The following IL1R1 variants were observed in gnomAD, a reference collection of about 807,000 sequenced individuals.
IL1R1 encodes the protein interleukin 1 receptor type 1.
A neutral mutation model predicts 50.2 loss-of-function variants in IL1R1; 22 were observed. That is an observed-to-expected ratio of 0.44 (90% CI 0.31 to 0.63). The LOEUF is 0.63. IL1R1 is among the 20% of genes least tolerant of loss of function. The pLI is 0.07. For missense variants in IL1R1, 509 were observed against 676.2 expected (o/e 0.75, Z 2.74); for synonymous variants, 251 against 236.7 (o/e 1.06, Z -0.55).
chr2:102,175,690 T>G lies in IL1R1; in HGVS notation c.1303+45T>G, dbSNP rs777562340. The G allele has an allele frequency of 4.5e-6, 7 of 1,568,986 alleles. No individual in the cohort carries two copies. The South Asian group carries it at 7.8e-5, about 17-fold the overall frequency. ...GAGTAAAGGCTTATTGTTGTAAAAC[T>G]ACTTAGTAAAATGTGGATTCCATCT... is the stretch of plus-strand genomic sequence containing the variant. On this transcript the variant is annotated intron_variant, in intron 11 of 11. Coordinates refer to ENST00000410023, the MANE Select transcript of IL1R1 (RefSeq NM_000877.4).
intron 7 of IL1R1, 52 bp from the exon 8 acceptor site, chr2:102,171,745 CTAGA>C (rs1187654241): frequency 9.9e-7 from 1 of 1,006,084 alleles, no homozygotes; most frequent in Admixed American, 2.2e-5. Context: ...ATTTATTAAT[CTAGA>C]TAGATCAGAA....
chr2:102,118,291 A>G (rs1216484561), intron 1 of IL1R1, among the ~76,000 whole-genome samples: 1 of 152,188 alleles, frequency 6.6e-6, no homozygotes, highest in Non-Finnish European at 1.5e-5. Flanking sequence ...TGTGGAGGGT[A>G]GCCCACCCGG....
At chr2:102,103,990 G>GGA (rs1224034562), upstream of IL1R1, among the ~76,000 whole-genome samples, 2 of 83,976 alleles carry the variant, frequency 2.4e-5, no homozygotes, top group Non-Finnish European at 4.4e-5. Flanking sequence ...GACTGTCTCA[G>GGA]AAAAAAAAAA....
Position 102,176,674 on chromosome 2 carries a change from G to A in IL1R1, c.1625G>A (p.Arg542Gln), listed in dbSNP as rs535779270. The change falls in exon 12 of 12, where the codon CGA (arginine) becomes CAA (glutamine). Residue 542 changes from arginine (R) to glutamine (Q), a missense_variant. Arg to Gln is a conservative substitution (Grantham distance 43). Transcript: ENST00000410023. ...KNVRYHMPVQRRSPSSKHQLL... is the reference protein window; with the variant it reads ...KNVRYHMPVQQRSPSSKHQLL... ...GTCAGGTACCACATGCCAGTCCAGC[G>A]ACGGTCACCTTCATCTAAACACCAG... 10 of 1,614,196 alleles carry A rather than the reference G, an allele frequency of 6.2e-6. No homozygotes were observed. In the Admixed American group the frequency reaches 1.2e-4, roughly 19 times the overall value.
chr2:102,152,721 G>A (rs1210088871), intron 1 of IL1R1, among the ~76,000 whole-genome samples: 3 of 151,952 alleles, frequency 2.0e-5, no homozygotes, highest in African/African-American at 4.8e-5. Context: ...GGAGGGCACT[G>A]TCCTAGGACT....
intron 1 of IL1R1, among the ~76,000 whole-genome samples, chr2:102,076,688 T>G (rs1299587530): frequency 2.0e-5 from 3 of 152,196 alleles, no homozygotes; most frequent in East Asian, 3.9e-4. Flanking sequence ...CATTCTTTTT[T>G]CTTTTTTTTG....
chr2:102,093,360 G>T (rs868867156), intron 1 of IL1R1, among the ~76,000 whole-genome samples: 11 of 152,308 alleles, frequency 7.2e-5, no homozygotes, highest in Admixed American at 1.3e-4. Flanking sequence ...GGGGTATTTT[G>T]AAGTAGAATG....
At chr2:102,106,010 G>C (rs1225267232) in intron 1 of IL1R1, among the ~76,000 whole-genome samples, 2 of 152,162 alleles carry the variant, frequency 1.3e-5, no homozygotes, top group African/African-American at 2.4e-5. Context: ...AAAGATTAAG[G>C]AAAGAAAATA....
At chr2:102,145,299 G>A (rs1422502886) in intron 1 of IL1R1, among the ~76,000 whole-genome samples, 2 of 152,108 alleles carry the variant, frequency 1.3e-5, no homozygotes, top group Non-Finnish European at 2.9e-5. Context: ...ACAAGACAAG[G>A]ATCTGCACTG....
At chr2:102,103,454 G>T (rs1227701177), upstream of IL1R1, among the ~76,000 whole-genome samples, 2 of 152,202 alleles carry the variant, frequency 1.3e-5, no homozygotes, top group Non-Finnish European at 2.9e-5. Context: ...AGAGGTTTGA[G>T]CAGTGCCTCT....
intron 10 of IL1R1, 80 bp from the exon 11 acceptor site, chr2:102,175,398 A>G (rs373466586): frequency 5.6e-6 from 6 of 1,062,134 alleles, no homozygotes; most frequent in Non-Finnish European, 1.4e-6. Context: ...TTCATTATGT[A>G]ATGAATGTTT....
intron 1 of IL1R1, among the ~76,000 whole-genome samples, chr2:102,117,806 T>C (rs1681170316): frequency 6.6e-6 from 1 of 152,176 alleles, no homozygotes; most frequent in African/African-American, 2.4e-5. Context: ...TGAGTTTCAA[T>C]AGTTACCTTA....
At chr2:102,141,949 A>G (rs1000342367), upstream of IL1R1, 2 of 152,246 alleles carry the variant, frequency 1.3e-5, no homozygotes, top group Non-Finnish European at 2.9e-5. Context: ...CGTTCGCTGC[A>G]TGACCTTGGC....
In IL1R1 at chr2:102,174,455, T is replaced by G. The variant is rs562582032; in HGVS notation, c.992-132T>G. ...TACAAAGTGATAATAATGAATGAGT[T>G]AATATTGTCTGAATGCAGGCCATTC... On this transcript the variant is annotated intron_variant, in intron 9 of 11. Coordinates refer to ENST00000410023, the MANE Select transcript of IL1R1 (RefSeq NM_000877.4). 8.3e-6 allele frequency: 5 copies of G among 604,028 alleles called. No homozygotes were observed. The African/African-American group carries it at 9.4e-5, about 11-fold the overall frequency. 37.4% of individuals were successfully genotyped at this position (604,028 alleles called of 1,614,324 possible).
intron 1 of IL1R1, among the ~76,000 whole-genome samples, chr2:102,099,543 G>C (rs1352406108): frequency 3.9e-5 from 6 of 152,122 alleles, no homozygotes; most frequent in Non-Finnish European, 8.8e-5. Context: ...AATCCTCTTA[G>C]TCTAAGGGCC....
chr2:102,121,816 T>C (rs1190712909), intron 1 of IL1R1, among the ~76,000 whole-genome samples: 1 of 152,216 alleles, frequency 6.6e-6, no homozygotes, highest in Non-Finnish European at 1.5e-5. Flanking sequence ...TTATTGTACA[T>C]ATTACAGCTA....
At chr2:102,138,104 A>G (rs889790675), upstream of IL1R1, among the ~76,000 whole-genome samples, 1 of 152,204 alleles carries the variant, frequency 6.6e-6, no homozygotes, top group Admixed American at 6.5e-5. Context: ...CACTTCTTGG[A>G]TGATGGGAAG....
chr2:102,077,750 C>G (rs1173087557), intron 1 of IL1R1, among the ~76,000 whole-genome samples: 1 of 152,156 alleles, frequency 6.6e-6, no homozygotes, highest in Non-Finnish European at 1.5e-5. Context: ...ACACTCCACA[C>G]AAGAACAGTG....
chr2:102,095,990 A>G (rs1394964112), intron 1 of IL1R1, among the ~76,000 whole-genome samples: 1 of 152,236 alleles, frequency 6.6e-6, no homozygotes, highest in African/African-American at 2.4e-5. Context: ...CGATATAGCC[A>G]GACTCTGTCT....
Sources: gnomAD v4.1 joint callset for allele counts (sites outside exome capture counted in the v4.1 genomes callset) on GRCh38, gnomAD v4.1.1 for gene constraint, MANE v1.5 for transcripts, NCBI Gene and HGNC (gene_info 2026-07-23, HGNC 2026-07-21) for gene names.